Variants in LRRC4C observed in about 807,000 individuals in gnomAD.
LRRC4C encodes leucine rich repeat containing 4C.
Under a neutral mutation model 33.6 loss-of-function variants are expected in LRRC4C, and 5 were observed. That is an observed-to-expected ratio of 0.15 (90% CI 0.08 to 0.31). The LOEUF (loss-of-function observed/expected upper bound fraction) is 0.31, where lower values mean the gene tolerates loss of function less well. Ranked by LOEUF, LRRC4C falls within the 10% of genes least tolerant of loss-of-function variation. The pLI, the probability that LRRC4C is intolerant of heterozygous loss-of-function variation, is 1.00. For missense variants in LRRC4C, 560 were observed against 796.7 expected (o/e 0.70, Z 3.58); for synonymous variants, 329 against 302.0 (o/e 1.09, Z -0.93).
rs1368187785 is a variant in LRRC4C, at chr11:40,453,525, C to A, written c.-269-133804G>T. ...ATACAATCCCAATGAATATAAAACT[C>A]TTTTAAAGAAACAAAAGAGAGGAGG... On this transcript the variant is annotated intron_variant, in intron 3 of 6. Transcript: ENST00000528697. Among the ~76,000 whole-genome samples the A allele has an allele frequency of 5.3e-5, 8 of 150,136 alleles. No individual in the cohort carries two copies. In the Admixed American group the frequency reaches 5.3e-4, roughly 10 times the overall value.
intron 1 of LRRC4C, among the ~76,000 whole-genome samples, chr11:40,939,507 T>A (rs1958049970): frequency 6.6e-6 from 1 of 152,104 alleles, no homozygotes; most frequent in African/African-American, 2.4e-5. Flanking sequence ...ATTCATTCAT[T>A]CATCTATTCA....
At chr11:40,180,913 C>G (rs1860938388) in intron 5 of LRRC4C, among the ~76,000 whole-genome samples, 5 of 152,178 alleles carry the variant, frequency 3.3e-5, no homozygotes, top group Admixed American at 3.3e-4. Flanking sequence ...AAGAGTTGAA[C>G]TGGATCAGAG....
chr11:40,417,343 C>A (rs5005464), intron 3 of LRRC4C, among the ~76,000 whole-genome samples: 51,229 of 151,138 alleles, frequency 0.34, 9,806 homozygotes, highest in South Asian at 0.47. Flanking sequence ...TTATTTATTT[C>A]TTTTCTGAGA....
At chr11:40,942,658 C>A (rs1452122531) in intron 1 of LRRC4C, among the ~76,000 whole-genome samples, 2 of 152,054 alleles carry the variant, frequency 1.3e-5, no homozygotes, top group African/African-American at 4.8e-5. Context: ...AGTGGTTTGA[C>A]CTTATCCTGT....
chr11:40,212,292 A>G (rs577561134), intron 5 of LRRC4C, among the ~76,000 whole-genome samples: 1 of 152,254 alleles, frequency 6.6e-6, no homozygotes, highest in South Asian at 2.1e-4. Flanking sequence ...TGATTTTACT[A>G]AGTCCTGCAT....
intron 3 of LRRC4C, among the ~76,000 whole-genome samples, chr11:40,411,873 C>G (rs1382610933): frequency 6.6e-6 from 1 of 151,918 alleles, no homozygotes; most frequent in Non-Finnish European, 1.5e-5. Flanking sequence ...TGTGATAAGC[C>G]TTTTGTATAT....
At chr11:40,393,154 T>C (rs1949402884) in intron 3 of LRRC4C, among the ~76,000 whole-genome samples, 1 of 152,154 alleles carries the variant, frequency 6.6e-6, no homozygotes, top group Non-Finnish European at 1.5e-5. Context: ...TCTGCAGTCC[T>C]CAGAGTTGCT....
intron 3 of LRRC4C, among the ~76,000 whole-genome samples, chr11:40,542,675 C>T (rs549037424): frequency 6.6e-6 from 1 of 152,098 alleles, no homozygotes; most frequent in East Asian, 1.9e-4. Flanking sequence ...TGATCACTTG[C>T]TTGCTCTTGC....
chr11:40,588,275 T>C lies in LRRC4C; in HGVS notation c.-270+59867A>G, dbSNP rs530723364. On this transcript the variant is annotated intron_variant, in intron 3 of 6. Coordinates refer to ENST00000528697, the MANE Select transcript of LRRC4C (RefSeq NM_001258419.2). ...TAGTTTATTTGCGTAGAGGTGTTTG[T>C]AGTATTCTCTGATGGTAGTTTGTAT... Among the ~76,000 whole-genome samples, 88 of 151,858 alleles carry C rather than the reference T, an allele frequency of 5.8e-4. 2 individuals are homozygous for C. The South Asian group carries it at 0.018, about 30-fold the overall frequency.
Position 40,789,343 on chromosome 11 carries a change from C to T in LRRC4C, c.-406-141065G>A, listed in dbSNP as rs867593199. Among the ~76,000 whole-genome samples the T allele has an allele frequency of 3.9e-5, 6 of 151,994 alleles. No homozygotes were observed. The South Asian group carries it at 1.0e-3, about 26-fold the overall frequency. On this transcript the variant is annotated intron_variant, in intron 2 of 6. Coordinates refer to ENST00000528697, the MANE Select transcript of LRRC4C (RefSeq NM_001258419.2). The stretch of plus-strand genomic sequence containing the variant: ...GAGTTTCTCTTCATTGATAACTAGT[C>T]TGGGATACCGAAAATGTACATAGTC...
chr11:41,101,250 T>C (rs543112510), intron 1 of LRRC4C, among the ~76,000 whole-genome samples: 1 of 152,192 alleles, frequency 6.6e-6, no homozygotes, highest in African/African-American at 2.4e-5. Flanking sequence ...TCCTATCGCA[T>C]CTGACAAAGG....
intron 2 of LRRC4C, among the ~76,000 whole-genome samples, chr11:40,859,048 A>G (rs1953945824): frequency 6.6e-6 from 1 of 152,218 alleles, no homozygotes. Flanking sequence ...ACCCAAAGCT[A>G]AGAATATCAA....
At chr11:40,269,704 G>C (rs1565210215) in intron 4 of LRRC4C, among the ~76,000 whole-genome samples, 1 of 151,354 alleles carries the variant, frequency 6.6e-6, no homozygotes, top group African/African-American at 2.4e-5. Context: ...CAAATAACGG[G>C]GTAGCAATAT....
intron 3 of LRRC4C, among the ~76,000 whole-genome samples, chr11:40,634,716 A>AAAAT (rs1963798233): frequency 7.2e-6 from 1 of 139,128 alleles, no homozygotes; most frequent in African/African-American, 2.9e-5. Context: ...AAAAAATAAG[A>AAAAT]AAATAAAAAA....
At chr11:40,149,434 T>C (rs2135089162) in intron 5 of LRRC4C, among the ~76,000 whole-genome samples, 1 of 152,306 alleles carries the variant, frequency 6.6e-6, no homozygotes, top group African/African-American at 2.4e-5. Context: ...GGTATTTTAT[T>C]CTTTTTGTGG....
intron 2 of LRRC4C, among the ~76,000 whole-genome samples, chr11:40,838,585 G>A (rs1194469568): frequency 6.8e-6 from 1 of 147,708 alleles, no homozygotes; most frequent in East Asian, 2.0e-4. Flanking sequence ...ATTACTCTAA[G>A]GAGTTTGTTT....
At chr11:40,488,835 A>T (rs1189553273) in intron 3 of LRRC4C, among the ~76,000 whole-genome samples, 1 of 152,086 alleles carries the variant, frequency 6.6e-6, no homozygotes, top group Non-Finnish European at 1.5e-5. Flanking sequence ...CACCTCATGA[A>T]GTATCCATAT....
chr11:40,917,917 CA>C (rs34176892), intron 2 of LRRC4C, among the ~76,000 whole-genome samples: 3,921 of 152,062 alleles, frequency 0.026, 88 homozygotes, highest in Non-Finnish European at 0.036. Flanking sequence ...ATTGCAATAA[CA>C]AAAAACAGTG....
At chr11:40,663,827 C>T (rs1398614414) in intron 2 of LRRC4C, among the ~76,000 whole-genome samples, 1 of 152,136 alleles carries the variant, frequency 6.6e-6, no homozygotes, top group Admixed American at 6.5e-5. Context: ...CCCATAATCA[C>T]AGTGGAAGAT....
Sources: allele counts gnomAD v4.1 joint callset (sites outside exome capture counted in the v4.1 genomes callset), GRCh38; gene constraint gnomAD v4.1.1; transcripts MANE v1.5; gene names NCBI Gene and HGNC (gene_info 2026-07-23, HGNC 2026-07-21).